The following SLAIN2 variants were observed in gnomAD, a reference collection of about 807,000 sequenced individuals.
SLAIN2 encodes the protein SLAIN family member 2.
A neutral mutation model predicts 56.6 loss-of-function variants in SLAIN2; 31 were observed. The ratio of observed to expected loss-of-function variants is 0.55; its 90% CI spans 0.41 to 0.74. The LOEUF (loss-of-function observed/expected upper bound fraction) is 0.74, where lower values mean the gene tolerates loss of function less well. SLAIN2 is among the 30% of genes least tolerant of loss of function. The probability of loss-of-function intolerance (pLI) is 0.00; values close to 1 mark genes in which losing one functional copy is unlikely to be tolerated. For synonymous variants in SLAIN2, 317 were observed against 284.9 expected, an observed-to-expected ratio of 1.11 and a Z score of -1.13; for missense variants, 777 against 754.2, an observed-to-expected ratio of 1.03 and a Z score of -0.35.
intron 6 of SLAIN2, chr4:48,394,498 A>C: frequency 8.9e-7 from 1 of 1,118,438 alleles, no homozygotes; most frequent in Non-Finnish European, 1.3e-6. Context: ...GTTTGTATTA[A>C]AACATTCAAG....
chr4:48,390,576 A>C (rs1716215715), intron 6 of SLAIN2, among the ~76,000 whole-genome samples: 1 of 152,212 alleles, frequency 6.6e-6, no homozygotes, highest in South Asian at 2.1e-4. Context: ...GCAGACAGTG[A>C]AAATATTCTT....
At chr4:48,388,928 G>A (rs1278134539) in intron 6 of SLAIN2, among the ~76,000 whole-genome samples, 1 of 152,180 alleles carries the variant, frequency 6.6e-6, no homozygotes, top group Middle Eastern at 3.2e-3. Flanking sequence ...CATCAACATT[G>A]TACTTGGACC....
At chr4:48,377,711 ATACACAGTTT>A (rs1433266952) in intron 2 of SLAIN2, among the ~76,000 whole-genome samples, 175 bp from the exon 3 acceptor site, 1 of 152,156 alleles carries the variant, frequency 6.6e-6, no homozygotes, top group East Asian at 1.9e-4. Flanking sequence ...TTTTATTTGC[ATACACAGTTT>A]AAGATAATAG....
In SLAIN2 at chr4:48,379,672, T is replaced by C. The variant is rs1715920590; in HGVS notation, c.704-18T>C. The C allele has an allele frequency of 1.4e-6, 2 of 1,396,788 alleles. No homozygotes were observed. The highest frequency in any genetic ancestry group is 1.9e-6 in the Non-Finnish European group (2 of 1,068,200). 86.5% of individuals were successfully genotyped at this position (1,396,788 alleles called of 1,614,324 possible). A position where few individuals can be genotyped will look rare whatever the true frequency, so the allele number is the denominator to read the frequency against. On this transcript the variant is annotated intron_variant, in intron 3 of 7. Transcript: ENST00000264313. The stretch of plus-strand genomic sequence containing the variant: ...TGCTTTACCAGAGTTTGAATTTTTT[T>C]CTTTTTTTTTTTTTAAGGTAACTTG...
intron 6 of SLAIN2, among the ~76,000 whole-genome samples, chr4:48,390,086 T>C (rs1716198394): frequency 6.8e-6 from 1 of 147,992 alleles, no homozygotes; most frequent in African/African-American, 2.5e-5. Flanking sequence ...TTCTTTTTCT[T>C]TTTTTTTTTT....
In SLAIN2 at chr4:48,405,610, A is replaced by AT. The variant is rs889867812; in HGVS notation, c.1361-14504dup. Reference sequence around the variant, plus strand: ...TTGTTTTGCTATTTTTTGCAAAACTATTTTTTTTTTTGCATAGGTAGTAGT... The same window carrying AT: ...TTGTTTTGCTATTTTTTGCAAAACTATTTTTTTTTTTTGCATAGGTAGTAGT... On this transcript the variant is annotated intron_variant, in intron 6 of 7. Transcript: ENST00000264313. 4.9e-3 allele frequency among the ~76,000 whole-genome samples: 718 copies of AT among 146,916 alleles called. 5 individuals carry two copies. The highest frequency in any genetic ancestry group is 0.012 in the African/African-American group (481 of 40,298).
chr4:48,362,383 TTCTC>T (rs371621625), intron 1 of SLAIN2, among the ~76,000 whole-genome samples: 11 of 150,880 alleles, frequency 7.3e-5, no homozygotes, highest in East Asian at 5.8e-4. Context: ...ATTTATTTAT[TTCTC>T]TCTCTCTCTC....
At chr4:48,414,152 T>C (rs1170118930) in intron 6 of SLAIN2, among the ~76,000 whole-genome samples, 2 of 152,200 alleles carry the variant, frequency 1.3e-5, no homozygotes, top group Admixed American at 1.3e-4. Context: ...AGCAGATAGA[T>C]CTCCTTCACA....
intron 5 of SLAIN2, 145 bp from the exon 6 acceptor site, chr4:48,383,502 T>C: frequency 1.3e-6 from 1 of 782,504 alleles, no homozygotes; most frequent in Non-Finnish European, 1.9e-6. Context: ...TGTTTGTTTT[T>C]TTTAATAAGA....
chr4:48,354,079 T>G (rs139857244), intron 1 of SLAIN2, among the ~76,000 whole-genome samples: 3,152 of 152,274 alleles, frequency 0.021, 51 homozygotes, highest in Non-Finnish European at 0.03. Flanking sequence ...CAGAAAATTA[T>G]GTATGTCCAA....
At chr4:48,390,003 G>A (rs1350210136) in intron 6 of SLAIN2, among the ~76,000 whole-genome samples, 2 of 152,060 alleles carry the variant, frequency 1.3e-5, no homozygotes, top group Non-Finnish European at 2.9e-5. Flanking sequence ...ATCTAGGCAA[G>A]AAATTAAGAT....
chr4:48,418,474 A>C (rs1011476515), intron 6 of SLAIN2, among the ~76,000 whole-genome samples: 1 of 152,108 alleles, frequency 6.6e-6, no homozygotes. Context: ...CAAATATTGA[A>C]CCAACCTTGC....
chr4:48,360,379 G>A lies in SLAIN2; in HGVS notation c.390-9470G>A, dbSNP rs565851575. On this transcript the variant is annotated intron_variant, in intron 1 of 7. Transcript: ENST00000264313. ...GGCTGAAGTGGGTGGATTACTTGAG[G>A]TCAGGAGTTTGAGACCAGCCTGCCA... Among the ~76,000 whole-genome samples the A allele has an allele frequency of 3.3e-5, 5 of 152,142 alleles. No homozygotes were observed. The East Asian group carries it at 7.7e-4, about 24-fold the overall frequency.
chr4:48,379,101 T>A (rs1486612611), intron 3 of SLAIN2, among the ~76,000 whole-genome samples: 1 of 152,146 alleles, frequency 6.6e-6, no homozygotes. Flanking sequence ...TGGATGTGTG[T>A]ATTCTTTATT....
intron 1 of SLAIN2, among the ~76,000 whole-genome samples, chr4:48,361,312 G>C (rs1715321307): frequency 6.6e-6 from 1 of 152,216 alleles, no homozygotes; most frequent in Non-Finnish European, 1.5e-5. Context: ...AAATGACCTA[G>C]AAGCAAAAGT....
chr4:48,417,606 A>G lies in SLAIN2; in HGVS notation c.1361-2519A>G, dbSNP rs368182030. Among the ~76,000 whole-genome samples, 614 of 121,520 alleles carry G rather than the reference A, an allele frequency of 5.1e-3. 8 individuals are homozygous for G. Among genetic ancestry groups the G allele is most frequent in the African/African-American group, 0.018 (577 of 32,530 alleles). 79.7% of individuals were successfully genotyped at this position (121,520 alleles called of 152,430 possible). On this transcript the variant is annotated intron_variant, in intron 6 of 7. Coordinates refer to ENST00000264313, the MANE Select transcript of SLAIN2 (RefSeq NM_020846.2). ...CATTGATGCAAAAATCCTCAATAAA[A>G]TACTGGCAAACCGAATCCAGCAGCA...
chr4:48,374,122 C>T (rs529352297), intron 2 of SLAIN2, among the ~76,000 whole-genome samples: 24 of 152,056 alleles, frequency 1.6e-4, no homozygotes, highest in African/African-American at 3.4e-4. Flanking sequence ...ATGACATATA[C>T]GAAGAAGTTG....
chr4:48,407,633 C>G (rs886120844), intron 6 of SLAIN2, among the ~76,000 whole-genome samples: 1 of 152,088 alleles, frequency 6.6e-6, no homozygotes, highest in Non-Finnish European at 1.5e-5. Flanking sequence ...GTTCTTAGCT[C>G]TCTCTCGTAT....
At chr4:48,403,987 C>G (rs1716625525) in intron 6 of SLAIN2, among the ~76,000 whole-genome samples, 1 of 152,152 alleles carries the variant, frequency 6.6e-6, no homozygotes, top group Non-Finnish European at 1.5e-5. Context: ...CAATCACTCA[C>G]CACCTTTCTT....
Sources: allele counts gnomAD v4.1 joint callset (sites outside exome capture counted in the v4.1 genomes callset), GRCh38; gene constraint gnomAD v4.1.1; transcripts MANE v1.5; gene names NCBI Gene and HGNC (gene_info 2026-07-23, HGNC 2026-07-21).